The following EYS variants were observed in gnomAD, a reference collection of about 807,000 sequenced individuals.
The protein encoded by EYS is protein eyes shut homolog.
EYS carries 250 observed loss-of-function variants against 282.1 expected under a neutral mutation model. That is an observed-to-expected ratio of 0.89 (90% CI 0.80 to 0.98). The LOEUF (loss-of-function observed/expected upper bound fraction) is 0.98. Ranked by LOEUF, EYS falls within the 50% of genes least tolerant of loss-of-function variation. EYS has a pLI of 0.00. For synonymous variants in EYS, 1,355 were observed against 1,282.9 expected, an observed-to-expected ratio of 1.06 and a Z score of -1.20; for missense variants, 4,016 against 3,709.0, an observed-to-expected ratio of 1.08 and a Z score of -2.15.
intron 13 of EYS, among the ~76,000 whole-genome samples, chr6:65,056,104 T>C (rs1773404960): frequency 6.6e-6 from 1 of 152,074 alleles, no homozygotes; most frequent in Admixed American, 6.6e-5. Flanking sequence ...GTATGGACTC[T>C]TACATATTTA....
intron 31 of EYS, among the ~76,000 whole-genome samples, chr6:64,111,105 A>G (rs751072425): frequency 2.6e-5 from 4 of 152,022 alleles, no homozygotes; most frequent in Non-Finnish European, 5.9e-5. Context: ...TCCAGGAATG[A>G]GAGTGAACAT....
chr6:64,636,794 C>T (rs1767996765), intron 22 of EYS, among the ~76,000 whole-genome samples: 1 of 148,836 alleles, frequency 6.7e-6, no homozygotes, highest in African/African-American at 2.5e-5. Context: ...TGAACAGACA[C>T]TTCTCAAAAG....
At chr6:65,180,769 A>G (rs1198722373) in intron 12 of EYS, among the ~76,000 whole-genome samples, 2 of 152,284 alleles carry the variant, frequency 1.3e-5, no homozygotes, top group East Asian at 1.9e-4. Flanking sequence ...AGCCAAAAGA[A>G]CAAAGCTGGA....
intron 22 of EYS, among the ~76,000 whole-genome samples, chr6:64,655,276 G>A (rs1228266616): frequency 2.6e-5 from 4 of 152,014 alleles, no homozygotes; most frequent in Non-Finnish European, 5.9e-5. Flanking sequence ...AGAGATGATT[G>A]ATTTTACCGT....
rs936281706 is a variant in EYS at position 65,329,384 on chromosome 6, T to C, written c.1766+5596A>G. ...ATTGCTTAAATGAATGATTTCTATATCATTTTACTATAAGGATTTAAGAAC... is the reference window on the plus strand; with the variant it reads ...ATTGCTTAAATGAATGATTTCTATACCATTTTACTATAAGGATTTAAGAAC... On this transcript the variant is annotated intron_variant, in intron 11 of 42. Coordinates refer to ENST00000503581, the MANE Select transcript of EYS (RefSeq NM_001142800.2). 5.6e-6 allele frequency: 5 copies of C among 892,926 alleles called. No homozygotes were observed. In the African/African-American group the frequency reaches 9.1e-5, roughly 16 times the overall value. 55.3% of individuals were successfully genotyped at this position (892,926 alleles called of 1,614,324 possible).
At chr6:65,494,637 A>C (rs1185490531) in intron 4 of EYS, 26 bp downstream of exon 4, 8 of 1,518,960 alleles carry the variant, frequency 5.3e-6, no homozygotes, top group African/African-American at 1.4e-5. Context: ...TATTTTAATA[A>C]AATTATATAT....
intron 35 of EYS, among the ~76,000 whole-genome samples, chr6:63,901,317 G>A (rs977469767): frequency 2.0e-5 from 3 of 152,144 alleles, no homozygotes; most frequent in Non-Finnish European, 4.4e-5. Context: ...GATAGACAGA[G>A]ATTATCTAAA....
intron 36 of EYS, among the ~76,000 whole-genome samples, chr6:63,838,883 G>C (rs1771877841): frequency 6.6e-6 from 1 of 151,964 alleles, no homozygotes; most frequent in Non-Finnish European, 1.5e-5. Context: ...CCATGAGTTT[G>C]AATACTATTT....
chr6:65,547,269 T>C (rs1284676394), intron 2 of EYS, among the ~76,000 whole-genome samples: 1 of 151,244 alleles, frequency 6.6e-6, no homozygotes, highest in East Asian at 1.9e-4. Context: ...AGGAAATCCT[T>C]AGAAAGATTT....
intron 28 of EYS, among the ~76,000 whole-genome samples, chr6:64,395,986 T>C (rs1773357631): frequency 6.6e-6 from 1 of 151,942 alleles, no homozygotes; most frequent in East Asian, 1.9e-4. Context: ...GTGAACATAG[T>C]CAAGTAACCA....
chr6:64,043,636 C>G (rs994564191), intron 33 of EYS, among the ~76,000 whole-genome samples: 2 of 152,196 alleles, frequency 1.3e-5, no homozygotes, highest in African/African-American at 2.4e-5. Flanking sequence ...CTCCTTTTCT[C>G]AAGGGTTGGG....
chr6:65,073,404 C>T (rs1295812863), intron 12 of EYS, among the ~76,000 whole-genome samples: 1 of 151,676 alleles, frequency 6.6e-6, no homozygotes, highest in Non-Finnish European at 1.5e-5. Flanking sequence ...TTAGCCCTCT[C>T]TGAAGTATAT....
chr6:65,053,188 A>C (rs1773322765), intron 13 of EYS, among the ~76,000 whole-genome samples: 1 of 151,788 alleles, frequency 6.6e-6, no homozygotes, highest in Non-Finnish European at 1.5e-5. Flanking sequence ...GTGCTTTAAA[A>C]AGTTATAACT....
intron 12 of EYS, among the ~76,000 whole-genome samples, chr6:65,261,955 A>G (rs1020293059): frequency 6.6e-6 from 1 of 151,782 alleles, no homozygotes; most frequent in Non-Finnish European, 1.5e-5. Flanking sequence ...ATATTTATGG[A>G]CACGTTCCTC....
At chr6:64,260,990 G>GTATC (rs5876887) in intron 30 of EYS, among the ~76,000 whole-genome samples, 103,221 of 151,102 alleles carry the variant, frequency 0.68, 35,258 homozygotes, top group South Asian at 0.71. Flanking sequence ...AGTAACTAGA[G>GTATC]TATCACTTTC....
At chr6:65,483,190 T>C (rs193178708) in intron 5 of EYS, among the ~76,000 whole-genome samples, 3 of 152,216 alleles carry the variant, frequency 2.0e-5, no homozygotes, top group Non-Finnish European at 2.9e-5. Context: ...TTTGACCTTA[T>C]GGCTAATGAT....
At chr6:64,082,455 A>G (rs758848482) in intron 31 of EYS, among the ~76,000 whole-genome samples, 14 of 152,184 alleles carry the variant, frequency 9.2e-5, no homozygotes, top group Non-Finnish European at 1.9e-4. Context: ...ATGTATCATA[A>G]TCACATCAGG....
intron 31 of EYS, among the ~76,000 whole-genome samples, chr6:64,196,042 T>G (rs941635098): frequency 1.3e-5 from 2 of 151,506 alleles, no homozygotes; most frequent in South Asian, 2.1e-4. Flanking sequence ...CAAACAAATT[T>G]ACAAGAAAAA....
At chr6:64,078,771 G>C (rs1484679324) in intron 32 of EYS, among the ~76,000 whole-genome samples, 1 of 152,058 alleles carries the variant, frequency 6.6e-6, no homozygotes, top group Non-Finnish European at 1.5e-5. Context: ...AAGGAAGGCA[G>C]AAATGATCCT....
Sources: allele counts gnomAD v4.1 joint callset (sites outside exome capture counted in the v4.1 genomes callset), GRCh38; gene constraint gnomAD v4.1.1; transcripts MANE v1.5; gene names NCBI Gene and HGNC (gene_info 2026-07-23, HGNC 2026-07-21).